Variants in DBH observed in about 807,000 individuals in gnomAD.
DBH encodes dopamine beta-hydroxylase.
DBH carries 49 observed loss-of-function variants against 64.0 expected under a neutral mutation model. The observed-to-expected ratio is 0.77, with a 90% confidence interval of 0.61 to 0.97. The LOEUF (loss-of-function observed/expected upper bound fraction) is 0.97. DBH is among the 50% of genes least tolerant of loss of function. The pLI is 0.00. For missense variants in DBH, 828 were observed against 826.6 expected (o/e 1.00, Z -0.02); for synonymous variants, 343 against 347.1 (o/e 0.99, Z 0.13).
intron 6 of DBH, among the ~76,000 whole-genome samples, chr9:133,648,356 C>T (rs1415839325): frequency 6.6e-6 from 1 of 152,224 alleles, no homozygotes; most frequent in Admixed American, 6.5e-5. Context: ...CTAAAGAGAA[C>T]GCTCCCCTCA....
chr9:133,637,777 G>A (rs1328555306), intron 1 of DBH, among the ~76,000 whole-genome samples: 1 of 152,210 alleles, frequency 6.6e-6, no homozygotes, highest in Non-Finnish European at 1.5e-5. Context: ...ACTCGGCCAG[G>A]AGGCACTTGC....
chr9:133,650,220 G>A (rs1233023063), intron 6 of DBH, among the ~76,000 whole-genome samples: 2 of 152,128 alleles, frequency 1.3e-5, no homozygotes, highest in African/African-American at 4.8e-5. Flanking sequence ...AGGTCAGGGC[G>A]GCCGCTGCTT....
At chr9:133,654,525 C>G (rs1832290939) in intron 9 of DBH, 1 of 152,238 alleles carries the variant, frequency 6.6e-6, no homozygotes, top group Non-Finnish European at 1.5e-5. Flanking sequence ...TCCTGTCTCC[C>G]TTGGATTTCA....
At chr9:133,652,333 T>C in intron 8 of DBH, 49 bp downstream of exon 8, 1 of 1,604,154 alleles carries the variant, frequency 6.2e-7, no homozygotes, top group Non-Finnish European at 8.5e-7. Context: ...CCAGCTGGGG[T>C]GGCTGAGAGG....
intron 6 of DBH, among the ~76,000 whole-genome samples, 194 bp downstream of exon 6, chr9:133,648,206 C>T (rs775372025): frequency 1.3e-5 from 2 of 152,216 alleles, no homozygotes; most frequent in Admixed American, 6.5e-5. Flanking sequence ...TGTGTATGCA[C>T]CTCCCTCTCC....
intron 6 of DBH, among the ~76,000 whole-genome samples, 182 bp downstream of exon 6, chr9:133,648,194 T>C (rs1348457368): frequency 1.3e-5 from 2 of 152,360 alleles, no homozygotes; most frequent in East Asian, 1.9e-4. Flanking sequence ...AGGCCATTTG[T>C]GTGTGTATGC....
chr9:133,652,374 C>T, intron 8 of DBH, 90 bp downstream of exon 8: 1 of 1,493,286 alleles, frequency 6.7e-7, no homozygotes, highest in East Asian at 2.3e-5. Context: ...GAGAGGGACA[C>T]AGAAAGTGAT....
chr9:133,640,105 T>C (rs1242593529), intron 2 of DBH, 113 bp downstream of exon 2: 2 of 1,406,062 alleles, frequency 1.4e-6, no homozygotes, highest in Non-Finnish European at 2.0e-6. Context: ...GGCCTGGGCC[T>C]GGCCAGCTAT....
chr9:133,657,988 G>A (rs1046344715), intron 11 of DBH, among the ~76,000 whole-genome samples: 1 of 152,300 alleles, frequency 6.6e-6, no homozygotes, highest in African/African-American at 2.4e-5. Flanking sequence ...TAGCCTTGAG[G>A]GGAAGAGATA....
At chr9:133,646,804 C>T (rs1398436357) in intron 5 of DBH, among the ~76,000 whole-genome samples, 4 of 152,178 alleles carry the variant, frequency 2.6e-5, no homozygotes, top group African/African-American at 4.8e-5. Flanking sequence ...GATTACAAGG[C>T]GTGAGCCACC....
At chr9:133,650,699 C>T (rs1011065390) in intron 6 of DBH, among the ~76,000 whole-genome samples, 2 of 151,992 alleles carry the variant, frequency 1.3e-5, no homozygotes, top group South Asian at 2.1e-4. Flanking sequence ...AGGCACGTGC[C>T]ACCATGCCCG....
Position 133,648,011 on chromosome 9 carries a change from T to G in DBH, c.1190T>G (p.Leu397Arg), listed in dbSNP as rs1280248823. The change falls in exon 6 of 12, where the codon CTG becomes CGG. Residue 397 changes from leucine (L) to arginine (R), a missense_variant and splice_region_variant. By Grantham distance (102) the Leu-to-Arg change is moderately radical. Coordinates refer to ENST00000393056, the MANE Select transcript of DBH (RefSeq NM_000787.4). ...TGYCTDKCTQ[L>R]ALPPSGIHIF... is the part of the protein sequence containing the mutation. The stretch of plus-strand genomic sequence containing the variant: ...TACTGCACGGACAAGTGCACCCAGC[T>G]GGTGAGTGGGGCTGGGCCCGGCACT... 3 of 1,611,740 alleles carry G rather than the reference T, an allele frequency of 1.9e-6. No individual in the cohort carries two copies. The highest frequency in any genetic ancestry group is 3.3e-5 in the Admixed American group (2 of 59,878).
intron 6 of DBH, among the ~76,000 whole-genome samples, chr9:133,651,160 G>A (rs1041476050): frequency 6.6e-6 from 1 of 152,270 alleles, no homozygotes; most frequent in African/African-American, 2.4e-5. Context: ...ACGCAGGGCA[G>A]CTGAAGGTCC....
At position 133,657,178 on chromosome 9, in the gene DBH, C is replaced by A. The variant is rs138716242; in HGVS notation, c.1671C>A (p.Ser557Arg). The A allele has an allele frequency of 6.2e-7, 1 of 1,614,134 alleles. No homozygotes were observed. Among genetic ancestry groups the A allele is most frequent in the Non-Finnish European group, 8.5e-7 (1 of 1,180,030 alleles). The change falls in exon 11 of 12, where the codon AGC becomes AGA. Residue 557 changes from serine (S) to arginine (R), a missense_variant. Physicochemically the swap from Ser to Arg is moderately radical, Grantham distance 110 (BLOSUM62 -1). Transcript: ENST00000393056. The stretch of plus-strand genomic sequence containing the variant: ...GCGACGTACTGAAGGCCCTGTACAG[C>A]TTCGCGCCCATCTCCATGCACTGCA... ...FNRDVLKALY[S>R]FAPISMHCNK...
At chr9:133,645,751 C>T (rs1398698396) in intron 5 of DBH, among the ~76,000 whole-genome samples, 1 of 152,132 alleles carries the variant, frequency 6.6e-6, no homozygotes, top group East Asian at 1.9e-4. Context: ...AAGTGCCCTG[C>T]ACCCCAGTCC....
At chr9:133,651,824 C>A in intron 7 of DBH, 47 bp downstream of exon 7, 1 of 1,503,096 alleles carries the variant, frequency 6.7e-7, no homozygotes. Context: ...ACCCTGCCAC[C>A]ACACGACCTC....
intron 6 of DBH, 136 bp downstream of exon 6, chr9:133,648,148 CCT>C: frequency 9.5e-7 from 1 of 1,055,934 alleles, no homozygotes; most frequent in Non-Finnish European, 1.4e-6. Context: ...TGCGGTCCTC[CCT>C]CTTTTCTGTA....
Position 133,656,526 on chromosome 9 carries a change from G to A in DBH, c.1438G>A (p.Gly480Ser), listed in dbSNP as rs1832321780. 2.5e-6 allele frequency: 4 copies of A among 1,613,756 alleles called. No individual in the cohort carries two copies. The highest frequency in any genetic ancestry group is 2.2e-5 in the South Asian group (2 of 91,078). Residue 480 changes from glycine (G) to serine (S), a missense_variant, in exon 10 of 12, where the codon GGC becomes AGC. Transcript: ENST00000393056. ...TEDRELATVG[G>S]FGILEEMCVN... is the part of the protein sequence containing the mutation. Reference sequence around the variant, plus strand: ...ACGGGTCTCCTCCAACTTGCAGGGGGGCTTCGGGATCCTGGAGGAGATGTG... The same window carrying A: ...ACGGGTCTCCTCCAACTTGCAGGGGAGCTTCGGGATCCTGGAGGAGATGTG...
Position 133,643,714 on chromosome 9 carries a change from C to A in DBH, c.921+125C>A. On this transcript the variant is annotated intron_variant, in intron 4 of 11. Transcript: ENST00000393056. This position sits in a 1 kb window ranked among gnomAD's most constrained non-coding sequence, Gnocchi z 5.3. Reference sequence around the variant, plus strand: ...GGGGCTCCCAAGGGGGCTCACGAGGCCACCAGAAGGGCCAGGCCTGAGGTG... The same window carrying A: ...GGGGCTCCCAAGGGGGCTCACGAGGACACCAGAAGGGCCAGGCCTGAGGTG... 1 of 1,108,298 alleles carries A rather than the reference C, an allele frequency of 9.0e-7. No individual in the cohort carries two copies. Among genetic ancestry groups the A allele is most frequent in the Non-Finnish European group, 1.3e-6 (1 of 770,862 alleles). The allele number at this position is 1,108,298 out of a possible 1,614,324, so 68.7% of individuals were successfully genotyped here.
Sources: gnomAD v4.1 joint callset for allele counts (sites outside exome capture counted in the v4.1 genomes callset) on GRCh38, gnomAD v4.1.1 for gene constraint, Gnocchi (gnomAD v3.1) non-coding constraint, MANE v1.5 for transcripts, NCBI Gene and HGNC (gene_info 2026-07-23, HGNC 2026-07-21) for gene names.